The following SLC35F3 variants were observed in gnomAD, a reference collection of about 807,000 sequenced individuals.
The protein encoded by SLC35F3 is solute carrier family 35 member F3, also known as putative thiamine transporter SLC35F3.
SLC35F3 carries 25 observed loss-of-function variants against 49.9 expected under a neutral mutation model. The ratio of observed to expected loss-of-function variants is 0.50; its 90% CI spans 0.37 to 0.70. The LOEUF is 0.70. Ranked by LOEUF, SLC35F3 falls within the 30% of genes least tolerant of loss-of-function variation. The pLI is 0.00. For missense variants in SLC35F3, 525 were observed against 639.8 expected, an observed-to-expected ratio of 0.82 and a Z score of 1.94; for synonymous variants, 275 against 265.4, an observed-to-expected ratio of 1.04 and a Z score of -0.35.
At chr1:234,141,822 C>T (rs1193112083) in intron 2 of SLC35F3, among the ~76,000 whole-genome samples, 2 of 150,752 alleles carry the variant, frequency 1.3e-5, no homozygotes, top group African/African-American at 2.5e-5. Flanking sequence ...ATGCCCTTAG[C>T]CCTAACTCTT....
intron 2 of SLC35F3, among the ~76,000 whole-genome samples, chr1:234,089,708 C>T (rs1665012221): frequency 6.6e-6 from 1 of 152,054 alleles, no homozygotes; most frequent in Non-Finnish European, 1.5e-5. Context: ...AGTGTGTGCA[C>T]CAGCTCACTG....
intron 2 of SLC35F3, among the ~76,000 whole-genome samples, chr1:234,078,314 A>C (rs564478632): frequency 2.6e-5 from 4 of 152,060 alleles, no homozygotes; most frequent in Non-Finnish European, 5.9e-5. Flanking sequence ...ATTTTCTCAG[A>C]ATAGTTATCC....
At chr1:234,288,093 C>T (rs1668452028) in intron 3 of SLC35F3, among the ~76,000 whole-genome samples, 1 of 152,112 alleles carries the variant, frequency 6.6e-6, no homozygotes, top group South Asian at 2.1e-4. Flanking sequence ...CGCTATGTTG[C>T]CCAGCCTTGT....
At chr1:233,977,143 G>A (rs1372603481) in intron 2 of SLC35F3, among the ~76,000 whole-genome samples, 7 of 152,316 alleles carry the variant, frequency 4.6e-5, no homozygotes, top group Middle Eastern at 3.4e-3. Context: ...CCACCTCCCC[G>A]TGGGTCTGAG....
At position 234,324,030 on chromosome 1, in the gene SLC35F3, A is replaced by T. The variant is rs1657697261; in HGVS notation, c.*787A>T. The stretch of plus-strand genomic sequence containing the variant: ...TTTAGAAACAAATAAAACTCTCTAT[A>T]TATGTGTATGTCTGTGTACAAAAAA... On this transcript the variant is annotated 3_prime_UTR_variant, in exon 8 of 8. Coordinates refer to ENST00000366618, the MANE Select transcript of SLC35F3 (RefSeq NM_173508.4). 1 of 152,314 alleles carries T rather than the reference A, an allele frequency of 6.6e-6. No homozygotes were observed. Among genetic ancestry groups the T allele is most frequent in the Non-Finnish European group, 1.5e-5 (1 of 68,112 alleles). 9.4% of individuals were successfully genotyped at this position (152,314 alleles called of 1,614,324 possible). A position where few individuals can be genotyped will look rare whatever the true frequency, so the allele number is the denominator to read the frequency against.
At chr1:234,007,598 C>T (rs1025948349) in intron 2 of SLC35F3, among the ~76,000 whole-genome samples, 2 of 152,190 alleles carry the variant, frequency 1.3e-5, no homozygotes, top group Non-Finnish European at 2.9e-5. Flanking sequence ...TGTGACTATT[C>T]ACTTGTATAT....
At chr1:234,241,810 C>T (rs1667558496) in intron 3 of SLC35F3, among the ~76,000 whole-genome samples, 1 of 151,516 alleles carries the variant, frequency 6.6e-6, no homozygotes, top group Non-Finnish European at 1.5e-5. Flanking sequence ...GGGTGCAAAT[C>T]AGCTCGCCTG....
intron 2 of SLC35F3, among the ~76,000 whole-genome samples, chr1:234,017,618 G>A (rs1463559933): frequency 4.7e-5 from 7 of 150,536 alleles, no homozygotes; most frequent in Admixed American, 4.6e-4. Context: ...GGAGGCTGAG[G>A]CAGGAGAATG....
chr1:234,319,095 T>G, intron 6 of SLC35F3, 152 bp downstream of exon 6: 2 of 696,296 alleles, frequency 2.9e-6, no homozygotes. Context: ...CAAAGTAGTC[T>G]TTGAAATGAT....
chr1:234,030,357 GAGA>G (rs1413939221), intron 2 of SLC35F3, among the ~76,000 whole-genome samples: 1 of 152,186 alleles, frequency 6.6e-6, no homozygotes, highest in African/African-American at 2.4e-5. Context: ...GAGATCACCA[GAGA>G]AGAAGAATAT....
At chr1:234,318,999 C>T in intron 6 of SLC35F3, 56 bp downstream of exon 6, 2 of 1,460,598 alleles carry the variant, frequency 1.4e-6, no homozygotes, top group African/African-American at 1.4e-5. Flanking sequence ...ACAGAGGACC[C>T]TCAGGAAACA....
chr1:234,297,022 C>T (rs1410263179), intron 3 of SLC35F3, among the ~76,000 whole-genome samples: 1 of 152,136 alleles, frequency 6.6e-6, no homozygotes, highest in Non-Finnish European at 1.5e-5. Flanking sequence ...CCAAAGAAGA[C>T]ATACAAATGG....
intron 2 of SLC35F3, among the ~76,000 whole-genome samples, chr1:234,085,757 G>C (rs1664950813): frequency 6.6e-6 from 1 of 152,122 alleles, no homozygotes; most frequent in African/African-American, 2.4e-5. Context: ...GTCCATGTTA[G>C]TGTGATGTCT....
intron 2 of SLC35F3, among the ~76,000 whole-genome samples, chr1:233,947,578 TAC>T (rs1662532147): frequency 1.3e-5 from 2 of 151,808 alleles, no homozygotes; most frequent in South Asian, 4.2e-4. Flanking sequence ...TGGGTACCAC[TAC>T]AGTTAAACCA....
intron 2 of SLC35F3, among the ~76,000 whole-genome samples, chr1:233,997,218 G>T (rs146651117): frequency 6.6e-6 from 1 of 152,080 alleles, no homozygotes; most frequent in African/African-American, 2.4e-5. Context: ...GAACATGGGC[G>T]TGCAGACATC....
chr1:234,171,990 T>C (rs1666406433), intron 2 of SLC35F3, among the ~76,000 whole-genome samples: 2 of 152,030 alleles, frequency 1.3e-5, no homozygotes, highest in Non-Finnish European at 2.9e-5. Context: ...CAGAAACTGA[T>C]GACTGTTTCT....
chr1:234,043,203 T>C (rs1303127046), intron 2 of SLC35F3, among the ~76,000 whole-genome samples: 5 of 152,318 alleles, frequency 3.3e-5, no homozygotes, highest in African/African-American at 9.6e-5. Flanking sequence ...ACACTTGATG[T>C]TCATCTTTCC....
At chr1:234,260,730 G>A (rs1161198718) in intron 3 of SLC35F3, among the ~76,000 whole-genome samples, 1 of 152,174 alleles carries the variant, frequency 6.6e-6, no homozygotes, top group Non-Finnish European at 1.5e-5. Flanking sequence ...AGGTTAGTAT[G>A]AGGCTCAGGT....
intron 2 of SLC35F3, among the ~76,000 whole-genome samples, chr1:234,071,393 C>G (rs1255418976): frequency 6.6e-6 from 1 of 152,148 alleles, no homozygotes; most frequent in African/African-American, 2.4e-5. Flanking sequence ...ATCCTGGTTT[C>G]ATTAGAGCAA....
Sources: allele counts gnomAD v4.1 joint callset (sites outside exome capture counted in the v4.1 genomes callset), GRCh38; gene constraint gnomAD v4.1.1; transcripts MANE v1.5; gene names NCBI Gene and HGNC (gene_info 2026-07-23, HGNC 2026-07-21).